Variants in STAG1 observed in about 807,000 individuals in gnomAD.
The protein encoded by STAG1 is STAG1 cohesin complex component.
STAG1 carries 26 observed loss-of-function variants against 170.9 expected under a neutral mutation model. That is an observed-to-expected ratio of 0.15 (90% CI 0.11 to 0.21). STAG1 has a LOEUF of 0.21. Ranked by LOEUF, STAG1 falls within the 10% of genes least tolerant of loss-of-function variation. The pLI, the probability that STAG1 is intolerant of heterozygous loss-of-function variation, is 1.00. For missense variants in STAG1, 964 were observed against 1,509.5 expected, an observed-to-expected ratio of 0.64 and a Z score of 5.99; for synonymous variants, 514 against 497.7, an observed-to-expected ratio of 1.03 and a Z score of -0.44.
chr3:136,696,719 C>T (rs1942904566), intron 1 of STAG1, among the ~76,000 whole-genome samples: 1 of 152,074 alleles, frequency 6.6e-6, no homozygotes, highest in Admixed American at 6.6e-5. Context: ...TATTAATAAA[C>T]AAACAACATG....
At chr3:136,629,547 A>C (rs1026066404) in intron 2 of STAG1, among the ~76,000 whole-genome samples, 2 of 152,116 alleles carry the variant, frequency 1.3e-5, no homozygotes, top group Non-Finnish European at 2.9e-5. Context: ...AAAAGAAATA[A>C]GTAGGCAGAA....
At chr3:136,633,880 T>A (rs1230102997) in intron 1 of STAG1, among the ~76,000 whole-genome samples, 1 of 145,408 alleles carries the variant, frequency 6.9e-6, no homozygotes, top group Non-Finnish European at 1.5e-5. Context: ...TCCCAGCACT[T>A]TGGGAGGCTG....
intron 15 of STAG1, among the ~76,000 whole-genome samples, chr3:136,441,476 C>T (rs926372410): frequency 6.6e-6 from 1 of 152,172 alleles, no homozygotes; most frequent in Non-Finnish European, 1.5e-5. Flanking sequence ...ATTTGTGTCA[C>T]ACATAATAAA....
intron 1 of STAG1, among the ~76,000 whole-genome samples, chr3:136,671,987 G>A (rs1307167733): frequency 6.6e-6 from 1 of 152,226 alleles, no homozygotes; most frequent in African/African-American, 2.4e-5. Context: ...GACACAGGGG[G>A]TGGTAGTAAA....
chr3:136,402,931 T>C (rs2087371880), intron 21 of STAG1, among the ~76,000 whole-genome samples: 1 of 151,650 alleles, frequency 6.6e-6, no homozygotes, highest in Admixed American at 6.6e-5. Context: ...ATTGGAGGTA[T>C]GAGGAATGAC....
chr3:136,364,469 T>C (rs1936998000), intron 25 of STAG1, among the ~76,000 whole-genome samples: 1 of 150,388 alleles, frequency 6.6e-6, no homozygotes, highest in Admixed American at 6.6e-5. Flanking sequence ...CCTGAAGAAC[T>C]AAAACCAAAA....
intron 1 of STAG1, among the ~76,000 whole-genome samples, chr3:136,666,525 C>T (rs1466890671): frequency 2.0e-5 from 3 of 152,070 alleles, no homozygotes; most frequent in African/African-American, 7.2e-5. Context: ...TGATGAATAA[C>T]TGTTTGATAC....
At chr3:136,750,398 G>A (rs1261603906) in intron 1 of STAG1, among the ~76,000 whole-genome samples, 2 of 152,184 alleles carry the variant, frequency 1.3e-5, no homozygotes, top group Admixed American at 1.3e-4. Flanking sequence ...AGTAACTTCG[G>A]TCCAGGACCC....
chr3:136,567,258 G>A, intron 5 of STAG1, among the ~76,000 whole-genome samples: 1 of 152,140 alleles, frequency 6.6e-6, no homozygotes, highest in Non-Finnish European at 1.5e-5. Context: ...TTTATATAAA[G>A]CACATCATCA....
At position 136,707,221 on chromosome 3, in the gene STAG1, T is replaced by A. The variant is rs988193414; in HGVS notation, c.-84+44974A>T. Among the ~76,000 whole-genome samples the A allele has an allele frequency of 2.6e-5, 4 of 152,142 alleles. No homozygotes were observed. In the East Asian group the frequency reaches 7.7e-4, roughly 29 times the overall value. On this transcript the variant is annotated intron_variant, in intron 1 of 33. Transcript: ENST00000383202. ...TTATATAAACTGGACCTTGTCAAAC[T>A]TAAAAGCTTTGTGCATCAAAGGACA...
intron 13 of STAG1, among the ~76,000 whole-genome samples, chr3:136,453,771 A>G (rs897855158): frequency 3.3e-5 from 5 of 151,770 alleles, no homozygotes; most frequent in Admixed American, 6.6e-5. Context: ...AAAAAACGGT[A>G]TATGTATATA....
intron 1 of STAG1, among the ~76,000 whole-genome samples, chr3:136,751,172 G>GTTTTTTT (rs776717703): frequency 9.5e-5 from 13 of 136,156 alleles, no homozygotes; most frequent in Non-Finnish European, 1.7e-4. Context: ...GACAAATTGC[G>GTTTTTTT]TTTTTTTTTT....
chr3:136,548,698 A>T (rs1490361056), intron 5 of STAG1, among the ~76,000 whole-genome samples: 1 of 152,000 alleles, frequency 6.6e-6, no homozygotes, highest in African/African-American at 2.4e-5. Flanking sequence ...AATTTCTTTC[A>T]TCAATGTTTT....
Position 136,473,388 on chromosome 3 carries a change from T to C in STAG1, c.1125+151A>G. The C allele has an allele frequency of 5.3e-6, 3 of 566,596 alleles. No individual in the cohort carries two copies. In the South Asian group the frequency reaches 6.6e-5, roughly 12 times the overall value. 35.1% of individuals were successfully genotyped at this position (566,596 alleles called of 1,614,324 possible). The stretch of plus-strand genomic sequence containing the variant: ...TGGTCCACAGAAAAACTGTCTTCCA[T>C]GAAACTGGTCCCTGGTGCCAAAAAG... On this transcript the variant is annotated intron_variant, in intron 11 of 33. Transcript: ENST00000383202.
intron 29 of STAG1, among the ~76,000 whole-genome samples, chr3:136,345,357 G>A (rs1936175023): frequency 6.6e-6 from 1 of 152,040 alleles, no homozygotes; most frequent in Non-Finnish European, 1.5e-5. Flanking sequence ...CCAGAATGCT[G>A]GGATTACAGG....
chr3:136,573,735 G>A (rs1231519374), intron 4 of STAG1, among the ~76,000 whole-genome samples: 2 of 152,166 alleles, frequency 1.3e-5, no homozygotes, highest in Non-Finnish European at 2.9e-5. Flanking sequence ...CACTTTGGGA[G>A]GCCGAAGCGG....
chr3:136,475,990 A>T (rs1339643078), intron 10 of STAG1, among the ~76,000 whole-genome samples: 1 of 152,234 alleles, frequency 6.6e-6, no homozygotes, highest in Non-Finnish European at 1.5e-5. Context: ...CAAGTCTCTT[A>T]TGTCAAAATA....
At chr3:136,462,966 C>A (rs545208796) in intron 13 of STAG1, among the ~76,000 whole-genome samples, 5 of 152,176 alleles carry the variant, frequency 3.3e-5, no homozygotes, top group Non-Finnish European at 7.4e-5. Flanking sequence ...TCTGAAACTA[C>A]AGAAGCAACA....
At chr3:136,697,131 T>A (rs1186827962) in intron 1 of STAG1, among the ~76,000 whole-genome samples, 3 of 152,220 alleles carry the variant, frequency 2.0e-5, no homozygotes, top group Admixed American at 2.0e-4. Context: ...TTAAAGTTTA[T>A]TTCTGACTTA....
Sources: allele counts gnomAD v4.1 joint callset (sites outside exome capture counted in the v4.1 genomes callset), GRCh38; gene constraint gnomAD v4.1.1; transcripts MANE v1.5; gene names NCBI Gene and HGNC (gene_info 2026-07-23, HGNC 2026-07-21).